The following CSRNP3 variants were observed in gnomAD, a reference collection of about 807,000 sequenced individuals.
The protein encoded by CSRNP3 is cysteine/serine-rich nuclear protein 3.
In CSRNP3, 12 loss-of-function variants were observed where a neutral mutation model predicts 48.0. That is an observed-to-expected ratio of 0.25 (90% CI 0.16 to 0.41). The LOEUF is 0.41. CSRNP3 is among the 10% of genes least tolerant of loss of function. The probability of loss-of-function intolerance (pLI) is 1.00; values close to 1 mark genes in which losing one functional copy is unlikely to be tolerated. For missense variants in CSRNP3, 580 were observed against 724.4 expected (o/e 0.80, Z 2.29); for synonymous variants, 263 against 269.7 (o/e 0.98, Z 0.24).
intron 3 of CSRNP3, among the ~76,000 whole-genome samples, chr2:165,520,783 TTA>T (rs869287628): frequency 0.19 from 5,534 of 29,012 alleles, 235 homozygotes; most frequent in East Asian, 0.38. Context: ...TATATATATA[TTA>T]TATATATATA....
At chr2:165,661,386 G>A (rs115354074) in intron 5 of CSRNP3, among the ~76,000 whole-genome samples, 204 of 152,136 alleles carry the variant, frequency 1.3e-3, no homozygotes, top group Non-Finnish European at 2.1e-3. Context: ...CACTTACATT[G>A]GCCTACCGGA....
intron 3 of CSRNP3, among the ~76,000 whole-genome samples, chr2:165,538,735 T>G (rs960780600): frequency 6.6e-6 from 1 of 151,928 alleles, no homozygotes; most frequent in Non-Finnish European, 1.5e-5. Flanking sequence ...CTCCCCCTCT[T>G]AATTAAATAA....
chr2:165,494,767 G>T lies in CSRNP3; in HGVS notation c.-274G>T. On this transcript the variant is annotated 5_prime_UTR_variant, in exon 2 of 7. It removes the in-frame stop codon of an upstream open reading frame in the 5' UTR. Transcript: ENST00000651982. ...TCCTGTTCCTGTTACAGGTACATGT[G>T]ACAGCGTTGCAGCTATGAGTGGAAT... 9.6e-6 allele frequency: 2 copies of T among 207,744 alleles called. No homozygotes were observed. Among genetic ancestry groups the T allele is most frequent in the South Asian group, 2.3e-4 (2 of 8,574 alleles). The allele number at this position is 207,744 out of a possible 1,614,324, so 12.9% of individuals were successfully genotyped here. A position where few individuals can be genotyped will look rare whatever the true frequency, so the allele number is the denominator to read the frequency against.
chr2:165,682,832 A>C lies in CSRNP3; in HGVS notation c.*3079A>C, dbSNP rs1687569951. On this transcript the variant is annotated 3_prime_UTR_variant, in exon 7 of 7. Transcript: ENST00000651982. Reference sequence around the variant, plus strand: ...CTACATGCAGCCAGTTGGAATACTTAAGATCTTTATGCCAAGACACAATAA... The same window carrying C: ...CTACATGCAGCCAGTTGGAATACTTCAGATCTTTATGCCAAGACACAATAA... The C allele has an allele frequency of 6.6e-6, 1 of 152,124 alleles. No homozygotes were observed. The highest frequency in any genetic ancestry group is 2.4e-5 in the African/African-American group (1 of 41,432). The allele number at this position is 152,124 out of a possible 1,614,324, so 9.4% of individuals were successfully genotyped here. A position where few individuals can be genotyped will look rare whatever the true frequency, so the allele number is the denominator to read the frequency against.
chr2:165,619,510 T>C (rs781483730), intron 4 of CSRNP3, among the ~76,000 whole-genome samples: 4 of 152,190 alleles, frequency 2.6e-5, no homozygotes, highest in Non-Finnish European at 5.9e-5. Context: ...TCATAGCTAC[T>C]GGCAAAGTCA....
chr2:165,588,336 C>A (rs1382428369), intron 3 of CSRNP3, among the ~76,000 whole-genome samples: 1 of 152,172 alleles, frequency 6.6e-6, no homozygotes, highest in Non-Finnish European at 1.5e-5. Context: ...TGAACTTTAT[C>A]CTAAGGCAAT....
At chr2:165,496,443 A>G (rs2105461850) in intron 2 of CSRNP3, among the ~76,000 whole-genome samples, 1 of 152,192 alleles carries the variant, frequency 6.6e-6, no homozygotes, top group South Asian at 2.1e-4. Context: ...AGTACTGAGC[A>G]CTGGATGATG....
At chr2:165,515,374 T>G (rs1173874875) in intron 2 of CSRNP3, among the ~76,000 whole-genome samples, 1 of 150,582 alleles carries the variant, frequency 6.6e-6, no homozygotes, top group African/African-American at 2.4e-5. Flanking sequence ...TTTAGATCAC[T>G]AGATTTCTCA....
intron 4 of CSRNP3, among the ~76,000 whole-genome samples, chr2:165,606,766 G>A (rs1364619904): frequency 6.6e-6 from 1 of 152,110 alleles, no homozygotes; most frequent in Non-Finnish European, 1.5e-5. Flanking sequence ...GCAGTTAAGT[G>A]AAATATACAA....
At chr2:165,654,388 T>C (rs1164036519) in intron 4 of CSRNP3, among the ~76,000 whole-genome samples, 1 of 152,218 alleles carries the variant, frequency 6.6e-6, no homozygotes, top group Non-Finnish European at 1.5e-5. Flanking sequence ...ACAATGAATA[T>C]ATACATAAAT....
At chr2:165,574,733 G>A (rs1031956986) in intron 3 of CSRNP3, among the ~76,000 whole-genome samples, 30 of 151,878 alleles carry the variant, frequency 2.0e-4, no homozygotes, top group Non-Finnish European at 3.7e-4. Flanking sequence ...AAATATTGAG[G>A]CTTACAACTT....
chr2:165,562,445 T>A (rs753806097), intron 3 of CSRNP3, among the ~76,000 whole-genome samples: 2 of 152,220 alleles, frequency 1.3e-5, no homozygotes, highest in Non-Finnish European at 2.9e-5. Flanking sequence ...ACATTTTGTC[T>A]GATCCAATTC....
intron 3 of CSRNP3, among the ~76,000 whole-genome samples, chr2:165,537,000 A>T (rs551311684): frequency 6.6e-6 from 1 of 151,828 alleles, no homozygotes; most frequent in East Asian, 1.9e-4. Context: ...TGAAACCAGG[A>T]TACATAAAAC....
intron 2 of CSRNP3, among the ~76,000 whole-genome samples, chr2:165,505,297 T>A (rs1684411612): frequency 6.6e-6 from 1 of 152,074 alleles, no homozygotes; most frequent in Non-Finnish European, 1.5e-5. Flanking sequence ...TGGAGAATAA[T>A]AAAAAGATAA....
Position 165,679,458 on chromosome 2 carries a change from A to G in CSRNP3, c.1463A>G (p.Tyr488Cys). The G allele has an allele frequency of 1.2e-6, 2 of 1,613,280 alleles. No homozygotes were observed. The highest frequency in any genetic ancestry group is 1.7e-6 in the Non-Finnish European group (2 of 1,179,868). Reference sequence around the variant, plus strand: ...TATGCCCGACAAGCAGAAGAGGCCTATGGTGCCTCCCACTACCCAGCTGCC... The same window carrying G: ...TATGCCCGACAAGCAGAAGAGGCCTGTGGTGCCTCCCACTACCCAGCTGCC... ...VDYARQAEEA[Y>C]GASHYPAANP... The change falls in exon 7 of 7, where the codon TAT becomes TGT. Residue 488 changes from tyrosine (Y) to cysteine (C), a missense_variant. Coordinates refer to ENST00000651982, the MANE Select transcript of CSRNP3 (RefSeq NM_001172173.2).
In CSRNP3 at chr2:165,689,208, A is replaced by ATG. The variant is rs1352520254; in HGVS notation, c.*9456_*9457dup. ...TGTATTTATATTTTCAGTATTTATT[A>ATG]TGAATGACATGGAAATTCGTGTATT... On this transcript the variant is annotated 3_prime_UTR_variant, in exon 7 of 7. Coordinates refer to ENST00000651982, the MANE Select transcript of CSRNP3 (RefSeq NM_001172173.2). The ATG allele has an allele frequency of 1.3e-5, 2 of 152,174 alleles. No individual in the cohort carries two copies. Among genetic ancestry groups the ATG allele is most frequent in the Non-Finnish European group, 2.9e-5 (2 of 68,014 alleles). The allele number at this position is 152,174 out of a possible 1,614,324, so 9.4% of individuals were successfully genotyped here.
At chr2:165,600,011 C>A (rs190403740) in intron 4 of CSRNP3, among the ~76,000 whole-genome samples, 2,493 of 149,040 alleles carry the variant, frequency 0.017, 66 homozygotes, top group African/African-American at 0.059. Context: ...TATACATGTG[C>A]CATGCTGGTG....
chr2:165,528,727 T>A (rs1285232987), intron 3 of CSRNP3, among the ~76,000 whole-genome samples: 1 of 152,370 alleles, frequency 6.6e-6, no homozygotes, highest in East Asian at 1.9e-4. Flanking sequence ...TTTACTATTA[T>A]TTCTTTGTAA....
intron 4 of CSRNP3, among the ~76,000 whole-genome samples, chr2:165,650,328 A>C (rs921885256): frequency 6.6e-6 from 1 of 152,182 alleles, no homozygotes; most frequent in Non-Finnish European, 1.5e-5. Flanking sequence ...TTACTCCTAT[A>C]GTTCTTAGTT....
Sources: allele counts gnomAD v4.1 joint callset (sites outside exome capture counted in the v4.1 genomes callset), GRCh38; gene constraint gnomAD v4.1.1; transcripts MANE v1.5; gene names NCBI Gene and HGNC (gene_info 2026-07-23, HGNC 2026-07-21).